Variants in PDE11A observed in about 807,000 individuals in gnomAD.
PDE11A encodes the protein dual 3',5'-cyclic-AMP and -GMP phosphodiesterase 11A.
In PDE11A, 100 loss-of-function variants were observed where a neutral mutation model predicts 100.5. The observed-to-expected ratio is 1.00, with a 90% CI of 0.85 to 1.18. The LOEUF (loss-of-function observed/expected upper bound fraction) is 1.18. PDE11A is among the 50% of genes most tolerant of loss of function. The probability of loss-of-function intolerance (pLI) is 0.00; values close to 1 mark genes in which losing one functional copy is unlikely to be tolerated. For synonymous variants in PDE11A, 381 were observed against 420.8 expected (o/e 0.91, Z 1.16); for missense variants, 1,141 against 1,152.6 (o/e 0.99, Z 0.15).
Position 177,695,122 on chromosome 2 carries a change from G to C in PDE11A, c.2345+2210C>G, listed in dbSNP as rs184225687. Among the ~76,000 whole-genome samples the C allele has an allele frequency of 8.1e-3, 1,233 of 151,454 alleles. 21 individuals are homozygous for C. The highest frequency in any genetic ancestry group is 0.028 in the African/African-American group (1,144 of 41,270). On this transcript the variant is annotated intron_variant, in intron 15 of 19. Transcript: ENST00000286063. ...AAAGCTAAATGGGAGTTGTGTGTGG[G>C]GGGGGAGGGGTATAATTGCTAGATA...
At chr2:177,745,016 G>A (rs929027620) in intron 10 of PDE11A, among the ~76,000 whole-genome samples, 5 of 152,288 alleles carry the variant, frequency 3.3e-5, no homozygotes, top group African/African-American at 9.6e-5. Context: ...GCTTCTTTCC[G>A]CAACATAACC....
chr2:177,809,274 T>C (rs1419032270), intron 9 of PDE11A, among the ~76,000 whole-genome samples: 1 of 152,116 alleles, frequency 6.6e-6, no homozygotes, highest in Non-Finnish European at 1.5e-5. Context: ...CATGTGTTTA[T>C]TTTACCACTC....
chr2:177,647,706 C>T (rs984014534), intron 19 of PDE11A, among the ~76,000 whole-genome samples: 10 of 152,176 alleles, frequency 6.6e-5, no homozygotes, highest in Admixed American at 6.5e-4. Flanking sequence ...AGACCCAAAG[C>T]ATCGAGGAGA....
intron 18 of PDE11A, among the ~76,000 whole-genome samples, chr2:177,667,247 A>G (rs568006891): frequency 1.3e-5 from 2 of 152,294 alleles, no homozygotes; most frequent in East Asian, 1.9e-4. Flanking sequence ...TCAATTCAAC[A>G]TCTCTGGACC....
chr2:177,869,463 A>G (rs1044466658), intron 5 of PDE11A, among the ~76,000 whole-genome samples: 3 of 152,204 alleles, frequency 2.0e-5, no homozygotes, highest in Non-Finnish European at 2.9e-5. Context: ...CTGCTCGTGC[A>G]TAACATGTCT....
intron 2 of PDE11A, among the ~76,000 whole-genome samples, chr2:177,969,890 A>G (rs1160264413): frequency 6.6e-6 from 1 of 152,186 alleles, no homozygotes; most frequent in East Asian, 1.9e-4. Context: ...TACTGGAAAT[A>G]CAATGTTGAA....
intron 2 of PDE11A, among the ~76,000 whole-genome samples, chr2:178,093,547 G>A (rs556027932): frequency 6.6e-6 from 1 of 152,268 alleles, no homozygotes; most frequent in East Asian, 1.9e-4. Context: ...AGAACATGGA[G>A]AAAGAGAAAC....
intron 2 of PDE11A, among the ~76,000 whole-genome samples, chr2:177,938,512 G>T (rs1468316757): frequency 1.3e-5 from 2 of 152,076 alleles, no homozygotes; most frequent in Admixed American, 1.3e-4. Context: ...CTTCTCGGCA[G>T]CCTCCTCACA....
chr2:177,943,385 G>A (rs2085367696), intron 2 of PDE11A, among the ~76,000 whole-genome samples: 1 of 133,496 alleles, frequency 7.5e-6, no homozygotes, highest in South Asian at 2.5e-4. Flanking sequence ...CTAACATTTG[G>A]TCTTTTCTTT....
At chr2:177,710,966 C>T (rs1191629291) in intron 13 of PDE11A, among the ~76,000 whole-genome samples, 2 of 152,254 alleles carry the variant, frequency 1.3e-5, no homozygotes, top group African/African-American at 4.8e-5. Context: ...CAAAACTTTT[C>T]TCTCCAGCCT....
At chr2:177,750,813 T>C (rs1030345401) in intron 10 of PDE11A, among the ~76,000 whole-genome samples, 2 of 152,234 alleles carry the variant, frequency 1.3e-5, no homozygotes, top group Non-Finnish European at 2.9e-5. Context: ...TGTGGCCATG[T>C]GGTACATCTA....
In PDE11A at chr2:177,631,440, C is replaced by A. The variant is rs577482271; in HGVS notation, c.2647-1878G>T. 3.2e-5 allele frequency among the ~76,000 whole-genome samples: 4 copies of A among 125,222 alleles called. No individual in the cohort carries two copies. The East Asian group carries it at 9.5e-4, about 30-fold the overall frequency. 82.2% of individuals were successfully genotyped at this position (125,222 alleles called of 152,430 possible). On this transcript the variant is annotated intron_variant, in intron 19 of 19. Transcript: ENST00000286063. ...AAGTTGCAGTGGGCTGAGATCACAC[C>A]ACTGCACTCCAGCCTGGGCAACAGA... is the stretch of plus-strand genomic sequence containing the variant.
chr2:177,838,352 A>G (rs532298673), intron 6 of PDE11A, among the ~76,000 whole-genome samples: 43 of 150,712 alleles, frequency 2.9e-4, no homozygotes, highest in Non-Finnish European at 5.3e-4. Flanking sequence ...ACATAATCAT[A>G]TATGTGTTAT....
intron 10 of PDE11A, among the ~76,000 whole-genome samples, chr2:177,741,770 G>T (rs555331880): frequency 6.6e-6 from 1 of 152,214 alleles, no homozygotes. Context: ...AGAACTGGGT[G>T]TGATGGCTCA....
chr2:177,819,422 A>G (rs58507358), intron 7 of PDE11A, among the ~76,000 whole-genome samples: 2,749 of 152,114 alleles, frequency 0.018, 83 homozygotes, highest in African/African-American at 0.063. Flanking sequence ...GTCTCTTAGG[A>G]AAAAAAGTCA....
At chr2:177,752,105 A>G (rs1434856565) in intron 10 of PDE11A, among the ~76,000 whole-genome samples, 1 of 152,218 alleles carries the variant, frequency 6.6e-6, no homozygotes, top group Non-Finnish European at 1.5e-5. Context: ...GCCTGAGATC[A>G]GTGACCTGTT....
At chr2:177,773,006 G>T (rs1243331962) in intron 9 of PDE11A, among the ~76,000 whole-genome samples, 1 of 151,796 alleles carries the variant, frequency 6.6e-6, no homozygotes, top group Non-Finnish European at 1.5e-5. Context: ...TATTTAAATT[G>T]CTATCGTTTC....
chr2:177,733,502 AT>A (rs1174647348), intron 10 of PDE11A, among the ~76,000 whole-genome samples: 1 of 152,236 alleles, frequency 6.6e-6, no homozygotes, highest in Non-Finnish European at 1.5e-5. Context: ...CAAAGAGGCC[AT>A]AAAATGTTAA....
Position 177,697,392 on chromosome 2 carries a change from CTA to C in PDE11A, c.2283_2284del (p.Tyr761Ter), listed in dbSNP as rs761476957. The C allele has an allele frequency of 6.9e-6, 11 of 1,601,558 alleles. No homozygotes were observed. In the East Asian group the frequency reaches 2.2e-4, roughly 33 times the overall value. The stretch of plus-strand genomic sequence containing the variant: ...CTGCTTCAAAAGCTGCATAAGGTCA[CTA>C]TATTCCTTGGAGGACAGGTTAGCAA... On this transcript the variant is annotated stop_gained and frameshift_variant, in exon 15 of 20. Coordinates refer to ENST00000286063, the MANE Select transcript of PDE11A (RefSeq NM_016953.4). LOFTEE classifies it high-confidence loss of function.
Sources: allele counts gnomAD v4.1 joint callset (sites outside exome capture counted in the v4.1 genomes callset), GRCh38; gene constraint gnomAD v4.1.1; transcripts MANE v1.5; gene names NCBI Gene and HGNC (gene_info 2026-07-23, HGNC 2026-07-21).